The following ZFHX3 variants were observed in gnomAD, a reference collection of about 807,000 sequenced individuals.
ZFHX3 encodes the protein zinc finger homeobox protein 3.
ZFHX3 carries 42 observed loss-of-function variants against 279.1 expected under a neutral mutation model. The observed-to-expected ratio is 0.15, with a 90% CI of 0.12 to 0.19. The LOEUF (loss-of-function observed/expected upper bound fraction) is 0.19. Ranked by LOEUF, ZFHX3 falls within the 10% of genes least tolerant of loss-of-function variation. The pLI is 1.00. For missense variants in ZFHX3, 4,981 were observed against 4,754.0 expected (o/e 1.05, Z -1.40); for synonymous variants, 2,293 against 1,957.8 (o/e 1.17, Z -4.52).
At chr16:73,040,975 C>A (rs1211579653) in intron 1 of ZFHX3, among the ~76,000 whole-genome samples, 2 of 152,194 alleles carry the variant, frequency 1.3e-5, no homozygotes, top group Non-Finnish European at 2.9e-5. Context: ...ATGGCCTCAG[C>A]AGAGGGTGTA....
chr16:73,772,410 G>C (rs1325831152), intron 1 of ZFHX3, among the ~76,000 whole-genome samples: 1 of 152,136 alleles, frequency 6.6e-6, no homozygotes, highest in East Asian at 1.9e-4. Context: ...AGACTTACTT[G>C]CCATCACGCG....
intron 4 of ZFHX3, among the ~76,000 whole-genome samples, chr16:73,278,994 T>C (rs191015355): frequency 1.3e-5 from 2 of 152,364 alleles, no homozygotes; most frequent in East Asian, 3.9e-4. Context: ...TTTTTTCTAC[T>C]ACTAAGTGGG....
intron 3 of ZFHX3, among the ~76,000 whole-genome samples, chr16:73,372,644 C>T (rs8044538): frequency 9.2e-5 from 14 of 152,066 alleles, no homozygotes; most frequent in African/African-American, 3.4e-4. Flanking sequence ...TAAATTTCAG[C>T]GATGATTTTC....
chr16:73,197,924 GTTTTTTTTTTTTTTTTTT>G (rs71156148), intron 5 of ZFHX3, among the ~76,000 whole-genome samples: 5 of 53,748 alleles, frequency 9.3e-5, no homozygotes, highest in Admixed American at 6.6e-4. Flanking sequence ...TGATTTGGTG[GTTTTTTTTTTTTTTTTTT>G]TTTTTTTTTT....
intron 3 of ZFHX3, among the ~76,000 whole-genome samples, chr16:72,922,937 A>T (rs1185920416): frequency 6.6e-6 from 1 of 152,114 alleles, no homozygotes; most frequent in Non-Finnish European, 1.5e-5. Flanking sequence ...TTAGAGCACT[A>T]AGTCCATATA....
intron 4 of ZFHX3, among the ~76,000 whole-genome samples, chr16:73,302,448 T>C (rs1311095831): frequency 6.6e-6 from 1 of 152,152 alleles, no homozygotes; most frequent in Non-Finnish European, 1.5e-5. Flanking sequence ...TGAACACAAC[T>C]GAGGTTTAGA....
chr16:73,278,783 G>A (rs1036045458), intron 4 of ZFHX3, among the ~76,000 whole-genome samples: 30 of 152,256 alleles, frequency 2.0e-4, no homozygotes, highest in African/African-American at 6.5e-4. Flanking sequence ...AGTGCTGATT[G>A]GTGCATTTTA....
intron 7 of ZFHX3, among the ~76,000 whole-genome samples, chr16:73,108,718 G>C (rs1966334803): frequency 1.3e-5 from 2 of 152,226 alleles, no homozygotes; most frequent in African/African-American, 4.8e-5. Flanking sequence ...CTTCTCCACT[G>C]TGGTTCTAAC....
chr16:73,384,672 C>T (rs763962104), intron 3 of ZFHX3, among the ~76,000 whole-genome samples: 2 of 152,210 alleles, frequency 1.3e-5, no homozygotes, highest in African/African-American at 2.4e-5. Flanking sequence ...AGGAGCCTAG[C>T]AGCATACACA....
At chr16:73,040,682 CTTTTAG>C (rs1204309509) in intron 1 of ZFHX3, among the ~76,000 whole-genome samples, 1 of 152,156 alleles carries the variant, frequency 6.6e-6, no homozygotes, top group Non-Finnish European at 1.5e-5. Context: ...ATTGCTGGAC[CTTTTAG>C]TTTATTTCTT....
intron 5 of ZFHX3, among the ~76,000 whole-genome samples, chr16:73,169,383 T>C (rs747337910): frequency 1.2e-4 from 18 of 152,304 alleles, no homozygotes; most frequent in Non-Finnish European, 2.1e-4. Context: ...GTTATAAATA[T>C]GTAGGCCTGA....
At chr16:73,066,906 T>C (rs1028953393) in intron 8 of ZFHX3, among the ~76,000 whole-genome samples, 1 of 151,972 alleles carries the variant, frequency 6.6e-6, no homozygotes, top group African/African-American at 2.4e-5. Flanking sequence ...GTGAGAGCAC[T>C]GAGATGGGGA....
chr16:73,887,786 A>C (rs1322203772), intron 1 of ZFHX3, among the ~76,000 whole-genome samples: 2 of 152,204 alleles, frequency 1.3e-5, no homozygotes, highest in South Asian at 2.1e-4. Context: ...AAAACAGCCC[A>C]AAATCACTTA....
chr16:73,867,420 A>C (rs1962053139), intron 1 of ZFHX3, among the ~76,000 whole-genome samples: 1 of 152,088 alleles, frequency 6.6e-6, no homozygotes, highest in African/African-American at 2.4e-5. Flanking sequence ...ACCACTTGCA[A>C]AGCCGATGCT....
At chr16:73,224,960 A>ATGAT (rs1163550529) in intron 5 of ZFHX3, among the ~76,000 whole-genome samples, 1 of 152,160 alleles carries the variant, frequency 6.6e-6, no homozygotes, top group African/African-American at 2.4e-5. Flanking sequence ...TATCACCTTC[A>ATGAT]TGATTTTGCC....
intron 2 of ZFHX3, among the ~76,000 whole-genome samples, chr16:73,646,528 A>G (rs1292304836): frequency 6.6e-6 from 1 of 152,188 alleles, no homozygotes; most frequent in Non-Finnish European, 1.5e-5. Flanking sequence ...TAAATTTGAT[A>G]AAATAGATGA....
In ZFHX3 at chr16:73,325,221, G is replaced by A. The variant is rs573705088; in HGVS notation, c.-1290-6885C>T. ...GGGAGAGGTGGATGGTTAATGTGAG[G>A]TCAGTTCCCTCAAAATAATTCATTT... On this transcript the variant is annotated intron_variant, in intron 3 of 17. Coordinates refer to the ZFHX3 transcript ENST00000641206. Among the ~76,000 whole-genome samples the A allele has an allele frequency of 2.5e-4, 38 of 152,210 alleles. No homozygotes were observed. The East Asian group carries it at 2.9e-3, about 12-fold the overall frequency.
intron 4 of ZFHX3, among the ~76,000 whole-genome samples, chr16:73,306,494 AT>A (rs35752639): frequency 0.41 from 61,735 of 151,612 alleles, 13,566 homozygotes; most frequent in Middle Eastern, 0.52. Flanking sequence ...TGATTTTTGT[AT>A]TTTTTTTGGT....
chr16:73,598,961 C>T (rs1397164727), intron 2 of ZFHX3, among the ~76,000 whole-genome samples: 1 of 152,010 alleles, frequency 6.6e-6, no homozygotes, highest in Non-Finnish European at 1.5e-5. Flanking sequence ...CGGGGTTTCA[C>T]CATCGTGGCC....
Sources: allele counts gnomAD v4.1 joint callset (sites outside exome capture counted in the v4.1 genomes callset), GRCh38; gene constraint gnomAD v4.1.1; transcripts MANE v1.5; gene names NCBI Gene and HGNC (gene_info 2026-07-23, HGNC 2026-07-21).